Variants in POU5F2 observed in about 807,000 individuals in gnomAD.
The protein encoded by POU5F2 is POU domain class 5, transcription factor 2.
For missense variants in POU5F2, 401 were observed against 426.6 expected (o/e 0.94, Z 0.53); for synonymous variants, 191 against 178.7 (o/e 1.07, Z -0.55).
chr5:93,741,450 C>T lies in POU5F2; in HGVS notation c.114G>A (p.Gln38=). The T allele has an allele frequency of 6.2e-7, 1 of 1,613,546 alleles. No individual in the cohort carries two copies. Among genetic ancestry groups the T allele is most frequent in the South Asian group, 1.1e-5 (1 of 91,076 alleles). Residue 38 remains glutamine, a synonymous_variant, in exon 1 of 1, where the codon CAG becomes CAA. Transcript: ENST00000606183. ...RVDTLTWLST[Q]AAPGRVMVWP... ...AGACCATCACCCTGCCAGGGGCCGC[C>T]TGGGTGCTCAACCAGGTCAGAGTGT...
At position 93,741,159 on chromosome 5, in the gene POU5F2, C is replaced by T. The variant is rs2149612610; in HGVS notation, c.405G>A (p.Gln135=). The change falls in exon 1 of 1, where the codon CAG becomes CAA. Residue 135 remains glutamine (Q), a synonymous_variant. Transcript: ENST00000606183. ...GCGAGTACCCTAGGCTCAACCTCTT[C>T]TGCCTCAACTCCTTGGCCAATTGCT... The part of the protein sequence containing the change: ...ELQQLAKELR[Q]KRLSLGYSQA... 6.2e-7 allele frequency: 1 copy of T among 1,613,908 alleles called. No individual in the cohort carries two copies. Among genetic ancestry groups the T allele is most frequent in the East Asian group, 2.2e-5 (1 of 44,832 alleles).
In POU5F2 at chr5:93,740,401, C is replaced by T. The variant is rs1748132762; in HGVS notation, c.*176G>A. 1.1e-5 allele frequency: 7 copies of T among 644,124 alleles called. No homozygotes were observed. The South Asian group carries it at 2.0e-4, about 18-fold the overall frequency. 39.9% of individuals were successfully genotyped at this position (644,124 alleles called of 1,614,324 possible). ...AACTGCAATAAACTTCATCTTCTCT[C>T]CCAGGTTTTTCTTGAACAATTCCCA... On this transcript the variant is annotated 3_prime_UTR_variant, in exon 1 of 1. Transcript: ENST00000606183.
Position 93,740,940 on chromosome 5 carries a change from C to T in POU5F2, c.624G>A (p.Gln208=). The change falls in exon 1 of 1, where the codon CAG becomes CAA. Residue 208 remains glutamine (Q), a synonymous_variant. Coordinates refer to ENST00000606183, the MANE Select transcript of POU5F2 (RefSeq NM_153216.2). ...TGCTTGCCCGTCTCCACTTCCCAGA[C>T]TGTTGCAGGATCATCTCCATTTTGC... ...GLCKMEMILQ[Q]SGKWRRASRE... is the part of the protein sequence containing the mutation. 1 of 1,613,998 alleles carries T rather than the reference C, an allele frequency of 6.2e-7. No individual in the cohort carries two copies.
At position 93,741,374 on chromosome 5, in the gene POU5F2, G is replaced by A. The variant is rs1748430591; in HGVS notation, c.190C>T (p.Pro64Ser). 1.2e-6 allele frequency: 2 copies of A among 1,612,248 alleles called. No individual in the cohort carries two copies. Among genetic ancestry groups the A allele is most frequent in the East Asian group, 2.2e-5 (1 of 44,806 alleles). Reference protein sequence around the residue: ...ICPGPDVWRIPLGPLPHEFRG... With the variant: ...ICPGPDVWRISLGPLPHEFRG... ...AATTCGTGTGGCAGGGGACCCAGGG[G>A]AATCCTCCACACGTCAGGGCCTGGG... The change falls in exon 1 of 1, where the codon CCC (proline) becomes TCC (serine). Residue 64 changes from proline to serine, a missense_variant. By Grantham distance (74) the Pro-to-Ser change is moderately conservative. Transcript: ENST00000606183.
chr5:93,735,155 G>T lies in POU5F2; in HGVS notation c.*5422C>A, dbSNP rs1746950787. 6.6e-6 allele frequency: 1 copy of T among 152,030 alleles called. No homozygotes were observed. Among genetic ancestry groups the T allele is most frequent in the Non-Finnish European group, 1.5e-5 (1 of 68,038 alleles). The allele number at this position is 152,030 out of a possible 1,614,324, so 9.4% of individuals were successfully genotyped here. On this transcript the variant is annotated 3_prime_UTR_variant, in exon 1 of 1. Coordinates refer to ENST00000606183, the MANE Select transcript of POU5F2 (RefSeq NM_153216.2). ...GTCTTGGTTTTCTCCCAACTCTAAG[G>T]GTAGTTATTCTTCTGTTTAAGGGAT...
chr5:93,737,385 T>G lies in POU5F2; in HGVS notation c.*3192A>C, dbSNP rs891619261. 1 of 152,140 alleles carries G rather than the reference T, an allele frequency of 6.6e-6. No homozygotes were observed. Among genetic ancestry groups the G allele is most frequent in the Non-Finnish European group, 1.5e-5 (1 of 68,006 alleles). 9.4% of individuals were successfully genotyped at this position (152,140 alleles called of 1,614,324 possible). On this transcript the variant is annotated 3_prime_UTR_variant, in exon 1 of 1. Transcript: ENST00000606183. ...AAAGCAATATGAGGGTTCAATGCAC[T>G]CTGTAACAAAATCTCAATGGTGTTT...
At position 93,734,761 on chromosome 5, in the gene POU5F2, T is replaced by A. The variant is rs943695047; in HGVS notation, c.*5816A>T. 2.0e-5 allele frequency: 3 copies of A among 152,140 alleles called. No individual in the cohort carries two copies. The highest frequency in any genetic ancestry group is 6.5e-5 in the Admixed American group (1 of 15,272). 9.4% of individuals were successfully genotyped at this position (152,140 alleles called of 1,614,324 possible). A position where few individuals can be genotyped will look rare whatever the true frequency, so the allele number is the denominator to read the frequency against. ...GCCACTGAAATTATTACTAAAGGTATCAATGGCATCTTAGTTATTGAAATG... is the reference window on the plus strand; with the variant it reads ...GCCACTGAAATTATTACTAAAGGTAACAATGGCATCTTAGTTATTGAAATG... On this transcript the variant is annotated 3_prime_UTR_variant, in exon 1 of 1. Transcript: ENST00000606183.
chr5:93,738,059 C>A lies in POU5F2; in HGVS notation c.*2518G>T, dbSNP rs1747597706. On this transcript the variant is annotated 3_prime_UTR_variant, in exon 1 of 1. Transcript: ENST00000606183. ...CCCACAGAATGGGAGAAAATACTTG[C>A]AAACCATCTATCTGATAAGGGCTTA... is the stretch of plus-strand genomic sequence containing the variant. The A allele has an allele frequency of 6.0e-6, 2 of 333,090 alleles. No individual in the cohort carries two copies. The highest frequency in any genetic ancestry group is 4.8e-5 in the South Asian group (2 of 41,692). 20.6% of individuals were successfully genotyped at this position (333,090 alleles called of 1,614,324 possible).
chr5:93,741,559 G>A lies in POU5F2; in HGVS notation c.5C>T (p.Ala2Val). The change falls in exon 1 of 1, where the codon GCC becomes GTC. Residue 2 changes from alanine to valine, a missense_variant. Ala to Val is a moderately conservative substitution (Grantham distance 64). Coordinates refer to ENST00000606183, the MANE Select transcript of POU5F2 (RefSeq NM_153216.2). M[A>V]GHRPSNHFCP... ...GAAGTGGTTTGAGGGCCTGTGTCCG[G>A]CCATGGGTGGAATGGCACCCGCAGC... 2 of 1,548,958 alleles carry A rather than the reference G, an allele frequency of 1.3e-6. No individual in the cohort carries two copies. The highest frequency in any genetic ancestry group is 2.3e-5 in the East Asian group (1 of 43,072).
chr5:93,739,346 A>G lies in POU5F2; in HGVS notation c.*1231T>C, dbSNP rs954412847. 7 of 152,194 alleles carry G rather than the reference A, an allele frequency of 4.6e-5. No homozygotes were observed. Among genetic ancestry groups the G allele is most frequent in the Admixed American group, 3.3e-4 (5 of 15,292 alleles). The allele number at this position is 152,194 out of a possible 1,614,324, so 9.4% of individuals were successfully genotyped here. On this transcript the variant is annotated 3_prime_UTR_variant, in exon 1 of 1. Transcript: ENST00000606183. ...ACTAGGAAAAAATTAAGAAGAATGA[A>G]GTAAAAATTAATTAACTAGGGAATA...
chr5:93,739,541 T>C lies in POU5F2; in HGVS notation c.*1036A>G, dbSNP rs139175710. ...ACTGATAGAATTCTAGGACAATAAA[T>C]AGAGCATGCAGGTGTGTGACAGCAG... On this transcript the variant is annotated 3_prime_UTR_variant, in exon 1 of 1. Coordinates refer to ENST00000606183, the MANE Select transcript of POU5F2 (RefSeq NM_153216.2). 5 of 152,098 alleles carry C rather than the reference T, an allele frequency of 3.3e-5. No individual in the cohort carries two copies. The highest frequency in any genetic ancestry group is 2.1e-4 in the South Asian group (1 of 4,816). 9.4% of individuals were successfully genotyped at this position (152,098 alleles called of 1,614,324 possible). A position where few individuals can be genotyped will look rare whatever the true frequency, so the allele number is the denominator to read the frequency against.
rs1463912947 is a variant in POU5F2, at chr5:93,740,661, A to C, written c.903T>G (p.Asp301Glu). The stretch of plus-strand genomic sequence containing the variant: ...AGTAGAGACGTGTATAGTGGGGGAT[A>C]TCCACTGGGAGCCCCAGTCCCAGGT... ...CFHLGLGLPVDIPHYTRLYSA... is the reference protein window; with the variant it reads ...CFHLGLGLPVEIPHYTRLYSA... Residue 301 changes from aspartate to glutamate, a missense_variant, in exon 1 of 1, where the codon GAT becomes GAG. Transcript: ENST00000606183. 6.2e-7 allele frequency: 1 copy of C among 1,613,886 alleles called. No individual in the cohort carries two copies. Among genetic ancestry groups the C allele is most frequent in the Non-Finnish European group, 8.5e-7 (1 of 1,179,806 alleles).
rs1448001543 is a variant in POU5F2, at chr5:93,734,926, T to G, written c.*5651A>C. ...TGCACACCACCATGCCCGGCTAATT[T>G]TTGTACTTTTAGTAGAGACGGGGTT... On this transcript the variant is annotated 3_prime_UTR_variant, in exon 1 of 1. Transcript: ENST00000606183. 6.6e-6 allele frequency: 1 copy of G among 152,104 alleles called. No homozygotes were observed. Among genetic ancestry groups the G allele is most frequent in the Non-Finnish European group, 1.5e-5 (1 of 68,066 alleles). The allele number at this position is 152,104 out of a possible 1,614,324, so 9.4% of individuals were successfully genotyped here.
Position 93,739,918 on chromosome 5 carries a change from C to T in POU5F2, c.*659G>A, listed in dbSNP as rs890266230. 6.7e-6 allele frequency: 1 copy of T among 148,510 alleles called. No homozygotes were observed. The highest frequency in any genetic ancestry group is 1.5e-5 in the Non-Finnish European group (1 of 67,694). The allele number at this position is 148,510 out of a possible 1,614,324, so 9.2% of individuals were successfully genotyped here. ...ACTGTGGCAGGACAAGACATAGTCC[C>T]ATGGGACTACATAAAGTAGGGAGAG... On this transcript the variant is annotated 3_prime_UTR_variant, in exon 1 of 1. Coordinates refer to ENST00000606183, the MANE Select transcript of POU5F2 (RefSeq NM_153216.2).
chr5:93,739,254 G>T lies in POU5F2; in HGVS notation c.*1323C>A, dbSNP rs1482692474. 1.3e-5 allele frequency: 2 copies of T among 151,146 alleles called. No individual in the cohort carries two copies. Among genetic ancestry groups the T allele is most frequent in the African/African-American group, 4.9e-5 (2 of 41,106 alleles). The allele number at this position is 151,146 out of a possible 1,614,324, so 9.4% of individuals were successfully genotyped here. On this transcript the variant is annotated 3_prime_UTR_variant, in exon 1 of 1. Transcript: ENST00000606183. The stretch of plus-strand genomic sequence containing the variant: ...TACAGCCACCAGAAAAAAAAAGAAA[G>T]AAAGAAAGAAACTAAGTACTCATCT...
In POU5F2 at chr5:93,734,506, CATT is replaced by C. The variant is rs1397883698; in HGVS notation, c.*6068_*6070del. The C allele has an allele frequency of 6.6e-6, 1 of 152,118 alleles. No homozygotes were observed. The highest frequency in any genetic ancestry group is 2.4e-5 in the African/African-American group (1 of 41,414). 9.4% of individuals were successfully genotyped at this position (152,118 alleles called of 1,614,324 possible). ...AAGAAAATGCACATATGTACAAAAA[CATT>C]ATTCTGCTTATACTCTAAAGGGGCT... On this transcript the variant is annotated 3_prime_UTR_variant, in exon 1 of 1. Coordinates refer to ENST00000606183, the MANE Select transcript of POU5F2 (RefSeq NM_153216.2).
Position 93,735,060 on chromosome 5 carries a change from G to A in POU5F2, c.*5517C>T, listed in dbSNP as rs1746927960. On this transcript the variant is annotated 3_prime_UTR_variant, in exon 1 of 1. Coordinates refer to ENST00000606183, the MANE Select transcript of POU5F2 (RefSeq NM_153216.2). ...GCATGAGCCACCGCACCTGGCCAATGTATCTTGGTTGATTTCTTATGTTAC... is the reference window on the plus strand; with the variant it reads ...GCATGAGCCACCGCACCTGGCCAATATATCTTGGTTGATTTCTTATGTTAC... 1.3e-5 allele frequency: 2 copies of A among 152,094 alleles called. No individual in the cohort carries two copies. The allele number at this position is 152,094 out of a possible 1,614,324, so 9.4% of individuals were successfully genotyped here.
Position 93,738,919 on chromosome 5 carries a change from A to G in POU5F2, c.*1658T>C, listed in dbSNP as rs986361027. The G allele has an allele frequency of 6.6e-6, 1 of 152,254 alleles. No individual in the cohort carries two copies. Among genetic ancestry groups the G allele is most frequent in the Non-Finnish European group, 1.5e-5 (1 of 68,044 alleles). 9.4% of individuals were successfully genotyped at this position (152,254 alleles called of 1,614,324 possible). A position where few individuals can be genotyped will look rare whatever the true frequency, so the allele number is the denominator to read the frequency against. Reference sequence around the variant, plus strand: ...TAATGTCACTGAATTTACACTTAAAATCATTACAATGGCAAATTTTATATT... The same window carrying G: ...TAATGTCACTGAATTTACACTTAAAGTCATTACAATGGCAAATTTTATATT... On this transcript the variant is annotated 3_prime_UTR_variant, in exon 1 of 1. Transcript: ENST00000606183.
In POU5F2 at chr5:93,741,528, G is replaced by C. The variant is rs372798416; in HGVS notation, c.36C>G (p.Pro12=). The C allele has an allele frequency of 7.6e-5, 122 of 1,600,230 alleles. No homozygotes were observed. The highest frequency in any genetic ancestry group is 3.2e-5 in the Non-Finnish European group (37 of 1,173,668). ...GGCCGCCCCCACCACTGCCTGGAAGGGGGCAGAAGTGGTTTGAGGGCCTGT... is the reference window on the plus strand; with the variant it reads ...GGCCGCCCCCACCACTGCCTGGAAGCGGGCAGAAGTGGTTTGAGGGCCTGT... ...AGHRPSNHFC[P]LPGSGGGGPR... is the part of the protein sequence containing the mutation. The change falls in exon 1 of 1, where the codon CCC becomes CCG. Residue 12 remains proline, a synonymous_variant. Transcript: ENST00000606183.
Sources: gnomAD v4.1 joint callset for allele counts on GRCh38, gnomAD v4.1.1 for gene constraint, MANE v1.5 for transcripts, NCBI Gene and HGNC (gene_info 2026-07-23, HGNC 2026-07-21) for gene names.